MAN2C1: variants seen among roughly 807,000 people sequenced by gnomAD.
MAN2C1 encodes the protein alpha-mannosidase 2C1.
MAN2C1 carries 111 observed loss-of-function variants against 126.9 expected under a neutral mutation model. The observed-to-expected ratio is 0.87, with a 90% CI of 0.75 to 1.02. The LOEUF is 1.02. MAN2C1 is among the 50% of genes least tolerant of loss of function. The pLI, the probability that MAN2C1 is intolerant of heterozygous loss-of-function variation, is 0.00. For missense variants in MAN2C1, 1,363 were observed against 1,364.4 expected (o/e 1.00, Z 0.02); for synonymous variants, 567 against 561.5 (o/e 1.01, Z -0.14).
In MAN2C1 at chr15:75,357,113, C is replaced by A. The variant is rs2072338861; in HGVS notation, c.2548-211G>T. The A allele has an allele frequency of 5.2e-6, 3 of 577,138 alleles. No homozygotes were observed. The African/African-American group carries it at 5.6e-5, about 11-fold the overall frequency. The allele number at this position is 577,138 out of a possible 1,614,324, so 35.8% of individuals were successfully genotyped here. A position where few individuals can be genotyped will look rare whatever the true frequency, so the allele number is the denominator to read the frequency against. ...ACGGGAATAAATAATAGTACTCACC[C>A]CATCGAATGATCATGAGTATCAAAT... is the stretch of plus-strand genomic sequence containing the variant. On this transcript the variant is annotated intron_variant, in intron 21 of 25. Coordinates refer to ENST00000267978, the MANE Select transcript of MAN2C1 (RefSeq NM_006715.4).
Position 75,361,923 on chromosome 15 carries a change from C to T in MAN2C1, c.1033G>A (p.Ala345Thr), listed in dbSNP as rs1285073424. ...CCCTGCAAAAACTGCCTCACCATGG[C>T]CTCTCCACTGGGCAGGTTCCCATCC... ...EMDGNLPSGEAMVRQFLQGQN... is the reference protein window; with the variant it reads ...EMDGNLPSGETMVRQFLQGQN... The change falls in exon 9 of 26, where the codon GCC becomes ACC. Residue 345 changes from alanine (A) to threonine (T), a missense_variant. Physicochemically the swap from Ala to Thr is moderately conservative, Grantham distance 58. Coordinates refer to ENST00000267978, the MANE Select transcript of MAN2C1 (RefSeq NM_006715.4). The surrounding 1 kb of genome is among the most constrained non-coding windows in gnomAD (Gnocchi z 5.0). 1 of 1,613,958 alleles carries T rather than the reference C, an allele frequency of 6.2e-7. No homozygotes were observed. Among genetic ancestry groups the T allele is most frequent in the African/African-American group, 1.3e-5 (1 of 74,950 alleles).
Position 75,362,311 on chromosome 15 carries a change from G to C in MAN2C1, c.1008+32C>G. On this transcript the variant is annotated intron_variant, in intron 8 of 25. Transcript: ENST00000267978. This position sits in a 1 kb window ranked among gnomAD's most constrained non-coding sequence, Gnocchi z 4.5. ...CCTGAGGGAAGGCTGTTGTCATACA[G>C]TTCAAGGCTGAGGAGTGCCCAGTGC... 1 of 1,589,788 alleles carries C rather than the reference G, an allele frequency of 6.3e-7. No homozygotes were observed. The highest frequency in any genetic ancestry group is 1.3e-5 in the African/African-American group (1 of 74,526).
chr15:75,358,280 TGGGAACTCCGCACGCGAGCA>T lies in MAN2C1; in HGVS notation c.2448_2467del (p.Ala817GlyfsTer4). On this transcript the variant is annotated frameshift_variant, in exon 21 of 26. Transcript: ENST00000267978. LOFTEE classifies it high-confidence loss of function. ...CCCAAACTGGATCTCATAGGTGGCC[TGGGAACTCCGCACGCGAGCA>T]GGGAACTCCACCTTCAGGAACTTGT... 6.2e-7 allele frequency: 1 copy of T among 1,614,152 alleles called. No homozygotes were observed. Among genetic ancestry groups the T allele is most frequent in the Admixed American group, 1.7e-5 (1 of 60,022 alleles).
Position 75,359,985 on chromosome 15 carries a change from G to A in MAN2C1, c.1710C>T (p.Leu570=), listed in dbSNP as rs146507376. 3.1e-6 allele frequency: 5 copies of A among 1,613,984 alleles called. No individual in the cohort carries two copies. Among genetic ancestry groups the A allele is most frequent in the East Asian group, 4.5e-5 (2 of 44,904 alleles). ...CATCATGGAACTGGTTCAGAAGAAG[G>A]AGCCTGCAGGGGCCAAGGGCAGGGA... ...PAAQLQHLWR[L]LLLNQFHDVV... is the part of the protein sequence containing the mutation. The change falls in exon 15 of 26, where the codon CTC becomes CTT. Residue 570 remains leucine (L), a synonymous_variant. Transcript: ENST00000267978.
In MAN2C1 at chr15:75,362,311, G is replaced by T. The variant is rs1198449296; in HGVS notation, c.1008+32C>A. ...CCTGAGGGAAGGCTGTTGTCATACA[G>T]TTCAAGGCTGAGGAGTGCCCAGTGC... On this transcript the variant is annotated intron_variant, in intron 8 of 25. Coordinates refer to ENST00000267978, the MANE Select transcript of MAN2C1 (RefSeq NM_006715.4). This position sits in a 1 kb window ranked among gnomAD's most constrained non-coding sequence, Gnocchi z 4.5. The T allele has an allele frequency of 2.5e-6, 4 of 1,589,668 alleles. No homozygotes were observed. The highest frequency in any genetic ancestry group is 3.5e-6 in the Non-Finnish European group (4 of 1,158,796).
Position 75,362,475 on chromosome 15 carries a change from C to G in MAN2C1, c.898-22G>C. 1.3e-6 allele frequency: 2 copies of G among 1,587,032 alleles called. No individual in the cohort carries two copies. The highest frequency in any genetic ancestry group is 1.7e-6 in the Non-Finnish European group (2 of 1,165,706). Reference sequence around the variant, plus strand: ...GCGCCTGTGGGCAGGTTGAAGGGAGCTGGGACCAGAGTGACAAGGGCCCCA... The same window carrying G: ...GCGCCTGTGGGCAGGTTGAAGGGAGGTGGGACCAGAGTGACAAGGGCCCCA... On this transcript the variant is annotated intron_variant, in intron 7 of 25. Transcript: ENST00000267978. This position sits in a 1 kb window ranked among gnomAD's most constrained non-coding sequence, Gnocchi z 4.5.
intron 3 of MAN2C1, among the ~76,000 whole-genome samples, chr15:75,367,073 A>C (rs1291725670): frequency 6.6e-6 from 1 of 152,136 alleles, no homozygotes; most frequent in Non-Finnish European, 1.5e-5. Context: ...TCTTAACCCC[A>C]GATTGAGAGT....
At chr15:75,368,366 C>T (rs1356589016) in intron 1 of MAN2C1, 117 bp downstream of exon 1, 146 of 1,393,980 alleles carry the variant, frequency 1.0e-4, no homozygotes, top group Non-Finnish European at 1.3e-4. Flanking sequence ...CCCTGCCCTG[C>T]CCGCGGCGGG....
At chr15:75,368,264 C>A in intron 1 of MAN2C1, 66 bp from the exon 2 acceptor site, 1 of 1,532,378 alleles carries the variant, frequency 6.5e-7, no homozygotes, top group South Asian at 1.2e-5. Context: ...GGCCAGCTGG[C>A]CGGTGGGGCC....
Position 75,359,662 on chromosome 15 carries a change from CG to C in MAN2C1, c.1905del (p.Ile635MetfsTer3). 1 of 1,614,164 alleles carries C rather than the reference CG, an allele frequency of 6.2e-7. No individual in the cohort carries two copies. Among genetic ancestry groups the C allele is most frequent in the Non-Finnish European group, 8.5e-7 (1 of 1,180,042 alleles). ...CCCGGTTTGGGCAGGGCCATCACTT[CG>C]ATCCGCTTCCAGGGCAGTGTGTTGA... ...LIVNTLPWKR[I>X]EVMALPKPGG... is the part of the protein sequence containing the mutation. On this transcript the variant is annotated frameshift_variant, in exon 16 of 26. Transcript: ENST00000267978. LOFTEE classifies it high-confidence loss of function.
In MAN2C1 at chr15:75,362,388, C is replaced by G; in HGVS notation, c.963G>C (p.Ala321=). ...PGLYSRIQEF[A]CRGQFVPVGG... ...CCACAGGCACAAACTGCCCACGGCA[C>G]GCAAACTCCTGGATGCGGGAGTACA... The change falls in exon 8 of 26, where the codon GCG becomes GCC. Residue 321 remains alanine, a synonymous_variant. Coordinates refer to ENST00000267978, the MANE Select transcript of MAN2C1 (RefSeq NM_006715.4). This position sits in a 1 kb window ranked among gnomAD's most constrained non-coding sequence, Gnocchi z 4.5. 3.1e-6 allele frequency: 5 copies of G among 1,613,976 alleles called. No homozygotes were observed. Among genetic ancestry groups the G allele is most frequent in the Non-Finnish European group, 4.2e-6 (5 of 1,180,026 alleles).
chr15:75,368,360 G>T, intron 1 of MAN2C1, 123 bp downstream of exon 1: 1 of 1,381,634 alleles, frequency 7.2e-7, no homozygotes, highest in Non-Finnish European at 9.8e-7. Context: ...CCCGGCCCCT[G>T]CCCTGCCCGC....
In MAN2C1 at chr15:75,356,778, G is replaced by A. The variant is rs2072323495; in HGVS notation, c.2657+15C>T. On this transcript the variant is annotated intron_variant, in intron 22 of 25. Transcript: ENST00000267978. This position sits in a 1 kb window ranked among gnomAD's most constrained non-coding sequence, Gnocchi z 5.8. ...CTCCATGCCAGCTCCCAGGCCTGGT[G>A]GGTACCCCACTTACAGCGAGAGGCT... 6.2e-7 allele frequency: 1 copy of A among 1,613,832 alleles called. No homozygotes were observed.
chr15:75,361,732 G>A lies in MAN2C1; in HGVS notation c.1102-12C>T, dbSNP rs1307454831. The A allele has an allele frequency of 6.2e-7, 1 of 1,609,144 alleles. No homozygotes were observed. The highest frequency in any genetic ancestry group is 8.5e-7 in the Non-Finnish European group (1 of 1,175,712). On this transcript the variant is annotated splice_polypyrimidine_tract_variant and intron_variant, in intron 9 of 25. Coordinates refer to ENST00000267978, the MANE Select transcript of MAN2C1 (RefSeq NM_006715.4). This position sits in a 1 kb window ranked among gnomAD's most constrained non-coding sequence, Gnocchi z 5.0. ...TCCGGCAGCCAGAACTGTGGAGAAA[G>A]AGGATCCTGGAGTGCAGGAACCAGA...
chr15:75,365,661 G>T, intron 4 of MAN2C1: 1 of 175,726 alleles, frequency 5.7e-6, no homozygotes, highest in South Asian at 9.1e-5. Context: ...GGGAGGCGGC[G>T]GTCGCAGTGA....
At position 75,367,892 on chromosome 15, in the gene MAN2C1, C is replaced by A. The variant is rs534451832; in HGVS notation, c.227+181G>T. 68 of 957,578 alleles carry A rather than the reference C, an allele frequency of 7.1e-5. No individual in the cohort carries two copies. In the African/African-American group the frequency reaches 8.1e-4, roughly 11 times the overall value. 59.3% of individuals were successfully genotyped at this position (957,578 alleles called of 1,614,324 possible). A position where few individuals can be genotyped will look rare whatever the true frequency, so the allele number is the denominator to read the frequency against. ...GCGGCCACGTGGGAATGAAAACCAT[C>A]CCCTGAAGACCCAGGGACCAGAGAG... is the stretch of plus-strand genomic sequence containing the variant. On this transcript the variant is annotated intron_variant, in intron 2 of 25. Transcript: ENST00000267978.
At chr15:75,363,322 C>CA (rs1174478438) in intron 6 of MAN2C1, 3 of 455,996 alleles carry the variant, frequency 6.6e-6, no homozygotes, top group African/African-American at 4.0e-5. Context: ...CCGTAAAACT[C>CA]AGACACTGCA....
chr15:75,356,957 C>A lies in MAN2C1; in HGVS notation c.2548-55G>T. On this transcript the variant is annotated intron_variant, in intron 21 of 25. Transcript: ENST00000267978. This position sits in a 1 kb window ranked among gnomAD's most constrained non-coding sequence, Gnocchi z 5.8. ...GGCCCTGTGCCCCTCTTTGTGCTCC[C>A]AGACTCCAGAGCTCCTGTCACTAGG... The A allele has an allele frequency of 1.4e-6, 2 of 1,419,996 alleles. No homozygotes were observed. Among genetic ancestry groups the A allele is most frequent in the South Asian group, 1.2e-5 (1 of 85,976 alleles). The allele number at this position is 1,419,996 out of a possible 1,614,324, so 88.0% of individuals were successfully genotyped here. A position where few individuals can be genotyped will look rare whatever the true frequency, so the allele number is the denominator to read the frequency against.
Position 75,356,079 on chromosome 15 carries a change from A to G in MAN2C1, c.2996+31T>C, listed in dbSNP as rs2072283582. The G allele has an allele frequency of 3.1e-6, 5 of 1,612,326 alleles. No individual in the cohort carries two copies. Among genetic ancestry groups the G allele is most frequent in the Non-Finnish European group, 4.2e-6 (5 of 1,179,348 alleles). The stretch of plus-strand genomic sequence containing the variant: ...GAAGGCTCTGCGAGGGCGAGACTCG[A>G]CCCCCGCCCCAATCCCACACCGCCA... On this transcript the variant is annotated intron_variant, in intron 25 of 25. Coordinates refer to ENST00000267978, the MANE Select transcript of MAN2C1 (RefSeq NM_006715.4). The surrounding 1 kb of genome is among the most constrained non-coding windows in gnomAD (Gnocchi z 5.8).
Sources: allele counts gnomAD v4.1 joint callset (sites outside exome capture counted in the v4.1 genomes callset), GRCh38; gene constraint gnomAD v4.1.1; non-coding constraint Gnocchi (gnomAD v3.1); transcripts MANE v1.5; gene names NCBI Gene and HGNC (gene_info 2026-07-23, HGNC 2026-07-21).